The following ZNF804B variants were observed in gnomAD, a reference collection of about 807,000 sequenced individuals.
ZNF804B encodes the protein zinc finger 804B.
In ZNF804B, 80 loss-of-function variants were observed where a neutral mutation model predicts 101.4. That is an observed-to-expected ratio of 0.79 (90% confidence interval 0.66 to 0.95). ZNF804B has a LOEUF of 0.95. Ranked by LOEUF, ZNF804B falls within the 40% of genes least tolerant of loss-of-function variation. The pLI, the probability that ZNF804B is intolerant of heterozygous loss-of-function variation, is 0.00. For synonymous variants in ZNF804B, 622 were observed against 558.8 expected (o/e 1.11, Z -1.59); for missense variants, 1,673 against 1,561.9 (o/e 1.07, Z -1.20).
intron 1 of ZNF804B, among the ~76,000 whole-genome samples, chr7:89,085,368 T>C (rs1196116223): frequency 2.6e-5 from 4 of 151,984 alleles, no homozygotes; most frequent in African/African-American, 4.8e-5. Flanking sequence ...AGTTTCTGAA[T>C]AGTTTGGGGC....
intron 1 of ZNF804B, among the ~76,000 whole-genome samples, chr7:88,951,895 T>TA (rs1340230982): frequency 6.6e-6 from 1 of 151,850 alleles, no homozygotes; most frequent in Non-Finnish European, 1.5e-5. Context: ...ATATAAACAC[T>TA]AAAAAAATTG....
At chr7:89,307,645 T>C (rs1790585298) in intron 2 of ZNF804B, among the ~76,000 whole-genome samples, 1 of 152,074 alleles carries the variant, frequency 6.6e-6, no homozygotes, top group Non-Finnish European at 1.5e-5. Context: ...GTAAGAGCTA[T>C]ATATGTAAAG....
chr7:89,336,776 G>A lies in ZNF804B; in HGVS notation c.3794G>A (p.Gly1265Asp), dbSNP rs1178257221. 6.2e-7 allele frequency: 1 copy of A among 1,613,820 alleles called. No homozygotes were observed. Among genetic ancestry groups the A allele is most frequent in the Non-Finnish European group, 8.5e-7 (1 of 1,179,992 alleles). The change falls in exon 4 of 4, where the codon GGT becomes GAT. Residue 1265 changes from glycine to aspartate, a missense_variant. Gly to Asp is a moderately conservative substitution (Grantham distance 94). Transcript: ENST00000333190. The stretch of plus-strand genomic sequence containing the variant: ...CCTGCACACCCCACTTTCTTAGCAG[G>A]TCATCCCCTGCATTTAGTAGCTGCT... ...IIPAHPTFLA[G>D]HPLHLVAATP... is the part of the protein sequence containing the mutation.
At chr7:89,111,542 G>C (rs1275352810) in intron 1 of ZNF804B, among the ~76,000 whole-genome samples, 9 of 152,142 alleles carry the variant, frequency 5.9e-5, no homozygotes, top group Admixed American at 5.9e-4. Flanking sequence ...GTTGTCTGTT[G>C]AGAGTTTTTC....
At chr7:89,080,266 A>G (rs962772344) in intron 1 of ZNF804B, among the ~76,000 whole-genome samples, 46 of 150,778 alleles carry the variant, frequency 3.1e-4, no homozygotes, top group Admixed American at 2.5e-3. Context: ...AGAATGAGAA[A>G]AATCACATAG....
chr7:89,131,990 G>C (rs761542620), intron 1 of ZNF804B, among the ~76,000 whole-genome samples: 9 of 151,890 alleles, frequency 5.9e-5, no homozygotes, highest in Non-Finnish European at 1.3e-4. Context: ...TAAAGGCAAG[G>C]TGATATTACC....
intron 1 of ZNF804B, among the ~76,000 whole-genome samples, chr7:88,798,921 T>C (rs1380817488): frequency 6.6e-6 from 1 of 152,092 alleles, no homozygotes; most frequent in East Asian, 1.9e-4. Flanking sequence ...AAGAAGCATT[T>C]GTGTTATTCT....
At chr7:89,282,188 G>A (rs1398198317) in intron 2 of ZNF804B, among the ~76,000 whole-genome samples, 15 of 126,238 alleles carry the variant, frequency 1.2e-4, no homozygotes, top group African/African-American at 3.3e-4. Context: ...GCGACAGAGC[G>A]AGACTCCGTC....
At chr7:89,279,881 T>C (rs1164023936) in intron 2 of ZNF804B, among the ~76,000 whole-genome samples, 2 of 152,046 alleles carry the variant, frequency 1.3e-5, no homozygotes, top group East Asian at 1.9e-4. Flanking sequence ...TACCCAGGAA[T>C]TGAACTCAGC....
intron 1 of ZNF804B, among the ~76,000 whole-genome samples, chr7:88,887,130 G>A (rs1161889235): frequency 6.6e-6 from 1 of 152,068 alleles, no homozygotes; most frequent in African/African-American, 2.4e-5. Flanking sequence ...CGGAGACAAG[G>A]GAACTCTTCC....
chr7:89,000,134 A>G (rs1788262360), intron 1 of ZNF804B, among the ~76,000 whole-genome samples: 1 of 151,984 alleles, frequency 6.6e-6, no homozygotes, highest in South Asian at 2.1e-4. Context: ...GAGATCTGTT[A>G]CAGTTGTTAC....
intron 1 of ZNF804B, among the ~76,000 whole-genome samples, chr7:88,868,540 A>T (rs1326839211): frequency 6.6e-6 from 1 of 152,206 alleles, no homozygotes; most frequent in Non-Finnish European, 1.5e-5. Context: ...ATACACACAT[A>T]ACAAACCCTA....
chr7:89,113,737 G>T (rs1485172869), intron 1 of ZNF804B, among the ~76,000 whole-genome samples: 1 of 152,076 alleles, frequency 6.6e-6, no homozygotes, highest in East Asian at 1.9e-4. Context: ...CAGATCATGA[G>T]GTCAGGAGAT....
At chr7:89,115,877 C>T (rs1025504760) in intron 1 of ZNF804B, among the ~76,000 whole-genome samples, 4 of 150,128 alleles carry the variant, frequency 2.7e-5, no homozygotes, top group South Asian at 2.1e-4. Context: ...TAATTAATCA[C>T]GTATTTAAAG....
chr7:89,139,948 G>T (rs1364989095), intron 1 of ZNF804B, among the ~76,000 whole-genome samples: 1 of 151,922 alleles, frequency 6.6e-6, no homozygotes, highest in Non-Finnish European at 1.5e-5. Context: ...ATCCATCAGA[G>T]GAATGACTAT....
At chr7:89,229,966 A>G (rs1789164266) in intron 2 of ZNF804B, among the ~76,000 whole-genome samples, 1 of 152,204 alleles carries the variant, frequency 6.6e-6, no homozygotes, top group Non-Finnish European at 1.5e-5. Flanking sequence ...AATATCAAAA[A>G]AGTACAAATA....
At chr7:89,186,337 T>G (rs1182569437) in intron 1 of ZNF804B, among the ~76,000 whole-genome samples, 1 of 152,142 alleles carries the variant, frequency 6.6e-6, no homozygotes, top group African/African-American at 2.4e-5. Flanking sequence ...AAGTTTGCTC[T>G]GACCTACCTA....
chr7:89,270,325 C>A (rs1789872405), intron 2 of ZNF804B, among the ~76,000 whole-genome samples: 5 of 152,148 alleles, frequency 3.3e-5, no homozygotes, highest in Admixed American at 6.5e-5. Flanking sequence ...AATAGGGAAT[C>A]CTTTCCTCAT....
chr7:88,777,537 A>G (rs373639747), intron 1 of ZNF804B, among the ~76,000 whole-genome samples: 6 of 152,248 alleles, frequency 3.9e-5, no homozygotes, highest in African/African-American at 1.2e-4. Flanking sequence ...TATTTAGACC[A>G]TTTAATATAA....
Sources: allele counts gnomAD v4.1 joint callset (sites outside exome capture counted in the v4.1 genomes callset), GRCh38; gene constraint gnomAD v4.1.1; transcripts MANE v1.5; gene names NCBI Gene and HGNC (gene_info 2026-07-23, HGNC 2026-07-21).